The following ZNF76 variants were observed in gnomAD, a reference collection of about 807,000 sequenced individuals.
ZNF76 encodes the protein zinc finger protein 523.
ZNF76 carries 66 observed loss-of-function variants against 66.9 expected under a neutral mutation model. That is an observed-to-expected ratio of 0.99 (90% CI 0.81 to 1.21). ZNF76 has a LOEUF of 1.21. Among genes scored for constraint, ZNF76 ranks in the 50% most tolerant of loss-of-function variants. The pLI, the probability that ZNF76 is intolerant of heterozygous loss-of-function variation, is 0.00. For missense variants in ZNF76, 729 were observed against 760.3 expected, an observed-to-expected ratio of 0.96 and a Z score of 0.48; for synonymous variants, 275 against 296.1, an observed-to-expected ratio of 0.93 and a Z score of 0.73.
In ZNF76 at chr6:35,291,566, C is replaced by T. The variant is rs867105085; in HGVS notation, c.760C>T (p.Pro254Ser). The T allele has an allele frequency of 6.2e-7, 1 of 1,613,540 alleles. No individual in the cohort carries two copies. The highest frequency in any genetic ancestry group is 8.5e-7 in the Non-Finnish European group (1 of 1,179,516). Residue 254 changes from proline (P) to serine (S), a missense_variant, in exon 9 of 14, where the codon CCG becomes TCG. Coordinates refer to ENST00000373953, the MANE Select transcript of ZNF76 (RefSeq NM_003427.5). ...TCCCACCATTTGCATAGGTGAACGC[C>T]CGTTCCAGTGCCCTTTTGAGGGCTG... Reference protein sequence around the residue: ...KHVRTHTGERPFQCPFEGCGR... With the variant: ...KHVRTHTGERSFQCPFEGCGR...
At chr6:35,275,837 C>A (rs1460722132) in intron 1 of ZNF76, among the ~76,000 whole-genome samples, 1 of 151,994 alleles carries the variant, frequency 6.6e-6, no homozygotes. Flanking sequence ...TTTTCCATTG[C>A]GGGTAGGCCA....
Position 35,286,213 on chromosome 6 carries a change from G to A in ZNF76, c.154+5G>A. 1.2e-6 allele frequency: 2 copies of A among 1,614,144 alleles called. No individual in the cohort carries two copies. Among genetic ancestry groups the A allele is most frequent in the Non-Finnish European group, 1.7e-6 (2 of 1,180,006 alleles). On this transcript the variant is annotated splice_donor_5th_base_variant and intron_variant, in intron 3 of 13. Coordinates refer to ENST00000373953, the MANE Select transcript of ZNF76 (RefSeq NM_003427.5). Reference sequence around the variant, plus strand: ...ACCAGGTGACGGTACAGAAAGGTGAGGGCACCCCAACACACCATGCCTTGT... The same window carrying A: ...ACCAGGTGACGGTACAGAAAGGTGAAGGCACCCCAACACACCATGCCTTGT...
chr6:35,283,196 G>A (rs541292048), intron 2 of ZNF76, among the ~76,000 whole-genome samples: 14 of 152,284 alleles, frequency 9.2e-5, no homozygotes, highest in African/African-American at 3.4e-4. Flanking sequence ...TCTTTATTCT[G>A]TCAGTCTTCC....
chr6:35,292,795 G>C lies in ZNF76; in HGVS notation c.1165+8G>C. On this transcript the variant is annotated splice_region_variant and intron_variant, in intron 10 of 13. Coordinates refer to ENST00000373953, the MANE Select transcript of ZNF76 (RefSeq NM_003427.5). This position sits in a 1 kb window ranked among gnomAD's most constrained non-coding sequence, Gnocchi z 4.7. ...AGCAGCAGCAACTTGAGGGTAAGGG[G>C]AGTGGGCAGAGGGTGAGAGTGGGGA... The C allele has an allele frequency of 6.2e-7, 1 of 1,614,076 alleles. No individual in the cohort carries two copies. Among genetic ancestry groups the C allele is most frequent in the Non-Finnish European group, 8.5e-7 (1 of 1,179,992 alleles).
chr6:35,288,023 A>G (rs1436804798), intron 5 of ZNF76, 178 bp downstream of exon 5: 1 of 748,704 alleles, frequency 1.3e-6, no homozygotes, highest in Non-Finnish European at 2.3e-6. Context: ...CTCACCTGTC[A>G]CACATCATTG....
At chr6:35,280,290 G>T (rs1582116802) in intron 1 of ZNF76, among the ~76,000 whole-genome samples, 2 of 152,260 alleles carry the variant, frequency 1.3e-5, no homozygotes, top group Non-Finnish European at 2.9e-5. Context: ...GAGCCCAGGA[G>T]TTCGAGGTTA....
chr6:35,288,162 C>T (rs1361873373), intron 5 of ZNF76: 1 of 558,540 alleles, frequency 1.8e-6, no homozygotes, highest in Admixed American at 2.2e-5. Context: ...GAGTTAGGCC[C>T]AGCTTCACTT....
intron 5 of ZNF76, among the ~76,000 whole-genome samples, chr6:35,288,579 C>T (rs1789932823): frequency 6.6e-6 from 1 of 152,172 alleles, no homozygotes; most frequent in Admixed American, 6.5e-5. Context: ...CAGTTTTACC[C>T]GAAGATGGGG....
At chr6:35,289,616 G>A (rs530135335) in intron 5 of ZNF76, among the ~76,000 whole-genome samples, 1 of 152,304 alleles carries the variant, frequency 6.6e-6, no homozygotes, top group South Asian at 2.1e-4. Flanking sequence ...TGAGATGGGT[G>A]GCTTTAGCAA....
In ZNF76 at chr6:35,262,224, T is replaced by G. The variant is rs891302660; in HGVS notation, c.-97+2383T>G. Reference sequence around the variant, plus strand: ...CTGTGTCTTCACAGATAAGGGTGCTTCTTTCCTCTGAGTATAGGGAGGGCA... The same window carrying G: ...CTGTGTCTTCACAGATAAGGGTGCTGCTTTCCTCTGAGTATAGGGAGGGCA... On this transcript the variant is annotated intron_variant, in intron 1 of 13. Transcript: ENST00000373953. Among the ~76,000 whole-genome samples the G allele has an allele frequency of 5.3e-5, 8 of 149,760 alleles. 1 individual carries two copies. Among genetic ancestry groups the G allele is most frequent in the African/African-American group, 1.7e-4 (7 of 40,698 alleles).
intron 2 of ZNF76, among the ~76,000 whole-genome samples, chr6:35,283,275 T>A (rs904486234): frequency 1.3e-5 from 2 of 152,134 alleles, no homozygotes; most frequent in East Asian, 1.9e-4. Flanking sequence ...AAACACACAC[T>A]CACTCACAAC....
At chr6:35,291,484 C>G (rs1894650) in intron 8 of ZNF76, 74 bp from the exon 9 acceptor site, 1,261,420 of 1,609,550 alleles carry the variant, frequency 0.78, 503,888 homozygotes, top group South Asian at 0.82. Flanking sequence ...GACCTGGAGC[C>G]CAGTGCCATC....
At chr6:35,289,522 A>G (rs1236924285) in intron 5 of ZNF76, among the ~76,000 whole-genome samples, 1 of 152,234 alleles carries the variant, frequency 6.6e-6, no homozygotes, top group Admixed American at 6.5e-5. Flanking sequence ...CATTCTAGAA[A>G]GAAAGACTAA....
intron 1 of ZNF76, among the ~76,000 whole-genome samples, chr6:35,277,018 C>T (rs930095434): frequency 5.3e-5 from 8 of 149,970 alleles, no homozygotes; most frequent in Non-Finnish European, 8.9e-5. Context: ...AGGCTGGTCT[C>T]GAACTCCTGA....
At chr6:35,266,690 G>T (rs1786137567) in intron 1 of ZNF76, among the ~76,000 whole-genome samples, 1 of 152,008 alleles carries the variant, frequency 6.6e-6, no homozygotes, top group Admixed American at 6.6e-5. Flanking sequence ...GTTAGGCCCT[G>T]CTCTGCCACC....
chr6:35,295,558 A>G lies in ZNF76; in HGVS notation c.*310A>G, dbSNP rs369175747. ...CCTAAAGAACACCCTTCTGGCCCTC[A>G]GTCTGTTCCCCTTCTCAGGTAGAGA... is the stretch of plus-strand genomic sequence containing the variant. On this transcript the variant is annotated 3_prime_UTR_variant, in exon 14 of 14. Transcript: ENST00000373953. The G allele has an allele frequency of 7.7e-6, 3 of 389,524 alleles. No homozygotes were observed. The highest frequency in any genetic ancestry group is 2.1e-5 in the African/African-American group (1 of 48,072). 24.1% of individuals were successfully genotyped at this position (389,524 alleles called of 1,614,324 possible).
At chr6:35,270,176 G>A (rs1314765601) in intron 1 of ZNF76, among the ~76,000 whole-genome samples, 1 of 151,906 alleles carries the variant, frequency 6.6e-6, no homozygotes, top group Admixed American at 6.6e-5. Context: ...TTGCTCTGTC[G>A]CCCAAGCTGG....
At position 35,291,733 on chromosome 6, in the gene ZNF76, C is replaced by T; in HGVS notation, c.927C>T (p.His309=). Reference sequence around the variant, plus strand: ...ACTATAAGAATCACGTGCGCATCCACACAGGTGGGCTAGCTGGCATGCGAG... The same window carrying T: ...ACTATAAGAATCACGTGCGCATCCATACAGGTGGGCTAGCTGGCATGCGAG... ...ATNYKNHVRI[H]TGEKPYVCTV... The change falls in exon 9 of 14, where the codon CAC becomes CAT. Residue 309 remains histidine, a synonymous_variant. Coordinates refer to ENST00000373953, the MANE Select transcript of ZNF76 (RefSeq NM_003427.5). The T allele has an allele frequency of 3.7e-6, 6 of 1,607,268 alleles. No individual in the cohort carries two copies. Among genetic ancestry groups the T allele is most frequent in the East Asian group, 2.2e-5 (1 of 44,866 alleles).
chr6:35,275,422 A>G lies in ZNF76; in HGVS notation c.-96-5634A>G, dbSNP rs534545149. ...GTCTGAACCGGCAAGTGCAGGCAGA[A>G]CTCACACATAGCCATCCTGAAGCAG... On this transcript the variant is annotated intron_variant, in intron 1 of 13. Coordinates refer to ENST00000373953, the MANE Select transcript of ZNF76 (RefSeq NM_003427.5). Among the ~76,000 whole-genome samples, 177 of 152,130 alleles carry G rather than the reference A, an allele frequency of 1.2e-3. 1 individual carries two copies. Among genetic ancestry groups the G allele is most frequent in the African/African-American group, 4.0e-3 (168 of 41,496 alleles).
Sources: gnomAD v4.1 joint callset for allele counts (sites outside exome capture counted in the v4.1 genomes callset) on GRCh38, gnomAD v4.1.1 for gene constraint, Gnocchi (gnomAD v3.1) non-coding constraint, MANE v1.5 for transcripts, NCBI Gene and HGNC (gene_info 2026-07-23, HGNC 2026-07-21) for gene names.